STXBP6: variants seen among roughly 807,000 people sequenced by gnomAD.
The protein encoded by STXBP6 is syntaxin-binding protein 6.
Under a neutral mutation model 26.9 loss-of-function variants are expected in STXBP6, and 21 were observed. The observed-to-expected ratio is 0.78, with a 90% CI of 0.55 to 1.12. The LOEUF is 1.12. Among genes scored for constraint, STXBP6 ranks in the 50% most tolerant of loss-of-function variants. The pLI is 0.00. For synonymous variants in STXBP6, 97 were observed against 92.6 expected, an observed-to-expected ratio of 1.05 and a Z score of -0.27; for missense variants, 232 against 257.9, an observed-to-expected ratio of 0.90 and a Z score of 0.69.
chr14:25,033,255 A>C (rs990023422), intron 1 of STXBP6, among the ~76,000 whole-genome samples: 2 of 152,032 alleles, frequency 1.3e-5, no homozygotes, highest in South Asian at 4.1e-4. Flanking sequence ...CCATTACCAC[A>C]TCCAGTCATA....
At chr14:24,821,852 T>C (rs553000724) in intron 4 of STXBP6, among the ~76,000 whole-genome samples, 1 of 152,104 alleles carries the variant, frequency 6.6e-6, no homozygotes, top group Non-Finnish European at 1.5e-5. Flanking sequence ...CTGTTGACCA[T>C]TCCCTAAATC....
At chr14:24,950,904 G>A (rs980094345) in intron 2 of STXBP6, among the ~76,000 whole-genome samples, 3 of 150,672 alleles carry the variant, frequency 2.0e-5, no homozygotes, top group South Asian at 2.1e-4. Context: ...TCCCCTTCCC[G>A]ACAGGCCCCC....
chr14:24,839,143 C>T (rs6574033), intron 4 of STXBP6, among the ~76,000 whole-genome samples: 29,894 of 152,014 alleles, frequency 0.2, 4,403 homozygotes, highest in African/African-American at 0.42. Context: ...TGTCTGTCCC[C>T]GCCTGCCCTC....
chr14:24,895,502 C>T (rs781568479), intron 2 of STXBP6, among the ~76,000 whole-genome samples: 3 of 152,212 alleles, frequency 2.0e-5, no homozygotes, highest in Non-Finnish European at 4.4e-5. Flanking sequence ...TCCCGTAGCA[C>T]TCAGCCACTC....
chr14:25,019,782 C>T (rs1224666247), intron 1 of STXBP6, among the ~76,000 whole-genome samples: 1 of 151,654 alleles, frequency 6.6e-6, no homozygotes, highest in East Asian at 1.9e-4. Context: ...TGCATATTGA[C>T]TAGGCAGTAA....
intron 1 of STXBP6, among the ~76,000 whole-genome samples, chr14:25,028,784 T>C (rs2075396290): frequency 6.6e-6 from 1 of 152,120 alleles, no homozygotes; most frequent in Admixed American, 6.5e-5. Context: ...CTAGATGCCT[T>C]TACAAATATT....
At chr14:24,905,265 G>A (rs1221406470) in intron 2 of STXBP6, among the ~76,000 whole-genome samples, 1 of 152,132 alleles carries the variant, frequency 6.6e-6, no homozygotes, top group East Asian at 1.9e-4. Context: ...TCTCAGGATG[G>A]CCTTTACACA....
At chr14:24,823,166 G>A (rs191864000) in intron 4 of STXBP6, among the ~76,000 whole-genome samples, 1 of 152,148 alleles carries the variant, frequency 6.6e-6, no homozygotes, top group Non-Finnish European at 1.5e-5. Flanking sequence ...TCCACTTAAT[G>A]TGTGCTTTTA....
intron 2 of STXBP6, among the ~76,000 whole-genome samples, chr14:24,872,126 G>A (rs1311378399): frequency 6.6e-6 from 1 of 152,128 alleles, no homozygotes; most frequent in Non-Finnish European, 1.5e-5. Context: ...TTCCCACGAA[G>A]ACTTACTTTT....
At position 24,846,196 on chromosome 14, in the gene STXBP6, G is replaced by T. The variant is rs564291215; in HGVS notation, c.451+9740C>A. On this transcript the variant is annotated intron_variant, in intron 4 of 5. Coordinates refer to ENST00000323944, the MANE Select transcript of STXBP6 (RefSeq NM_001394410.1). ...GACTCAAGACTGAACTATCTTTCCC[G>T]CAAAATTAACCAGGAATTTGATGTT... Among the ~76,000 whole-genome samples, 120 of 152,158 alleles carry T rather than the reference G, an allele frequency of 7.9e-4. 1 individual carries two copies. The highest frequency in any genetic ancestry group is 2.8e-3 in the African/African-American group (115 of 41,518).
At chr14:24,997,620 G>A (rs1435750836) in intron 1 of STXBP6, among the ~76,000 whole-genome samples, 3 of 152,140 alleles carry the variant, frequency 2.0e-5, no homozygotes, top group Admixed American at 6.5e-5. Context: ...CTCCTAAAGA[G>A]CACTGAATAA....
chr14:25,014,101 C>G (rs182166160), intron 1 of STXBP6, among the ~76,000 whole-genome samples: 122 of 152,232 alleles, frequency 8.0e-4, no homozygotes, highest in Non-Finnish European at 3.1e-4. Flanking sequence ...ACAAGATTGG[C>G]CATAAATTAA....
chr14:24,977,271 C>A (rs1463306011), intron 1 of STXBP6, among the ~76,000 whole-genome samples: 3 of 152,066 alleles, frequency 2.0e-5, no homozygotes, highest in Admixed American at 2.0e-4. Context: ...AGAAAGCTAT[C>A]ATTTTATCAT....
intron 2 of STXBP6, among the ~76,000 whole-genome samples, chr14:24,882,488 CTG>C (rs947115814): frequency 1.2e-4 from 17 of 144,246 alleles, no homozygotes; most frequent in Non-Finnish European, 2.4e-4. Flanking sequence ...TCAAGCAGAA[CTG>C]TGTGTCTCCT....
chr14:24,988,185 T>A (rs2074380907), intron 1 of STXBP6, among the ~76,000 whole-genome samples: 1 of 152,230 alleles, frequency 6.6e-6, no homozygotes, highest in Admixed American at 6.5e-5. Context: ...CTGGCTTTGA[T>A]GAATATTTCT....
At chr14:24,931,143 C>CAAAAACAAAAAAAAA (rs1566486365) in intron 2 of STXBP6, among the ~76,000 whole-genome samples, 1 of 71,702 alleles carries the variant, frequency 1.4e-5, no homozygotes, top group Non-Finnish European at 2.4e-5. Flanking sequence ...AAAAAAAAAA[C>CAAAAACAAAAAAAAA]CCAAACACCA....
intron 1 of STXBP6, among the ~76,000 whole-genome samples, chr14:25,001,449 CTAGA>C (rs1458949685): frequency 6.6e-6 from 1 of 152,164 alleles, no homozygotes; most frequent in African/African-American, 2.4e-5. Context: ...TTTTGGGTCC[CTAGA>C]TAGCTTCAGA....
intron 2 of STXBP6, among the ~76,000 whole-genome samples, chr14:24,865,426 C>A (rs1456164506): frequency 6.6e-6 from 1 of 152,086 alleles, no homozygotes; most frequent in Non-Finnish European, 1.5e-5. Flanking sequence ...CCCAGGGATA[C>A]CAAGATGGCT....
At chr14:24,919,947 C>G (rs1374835961) in intron 2 of STXBP6, among the ~76,000 whole-genome samples, 1 of 151,894 alleles carries the variant, frequency 6.6e-6, no homozygotes, top group Non-Finnish European at 1.5e-5. Flanking sequence ...ATGACAGGAG[C>G]TTCATTTGTG....
Sources: gnomAD v4.1 joint callset for allele counts (sites outside exome capture counted in the v4.1 genomes callset) on GRCh38, gnomAD v4.1.1 for gene constraint, MANE v1.5 for transcripts, NCBI Gene and HGNC (gene_info 2026-07-23, HGNC 2026-07-21) for gene names.